The following BIN3 variants were observed in gnomAD, a reference collection of about 807,000 sequenced individuals.
The protein encoded by BIN3 is bridging integrator 3.
Under a neutral mutation model 38.2 loss-of-function variants are expected in BIN3, and 41 were observed. The ratio of observed to expected loss-of-function variants is 1.07; its 90% CI spans 0.84 to 1.39. The LOEUF is 1.39. BIN3 is among the 40% of genes most tolerant of loss of function. BIN3 has a pLI of 0.00. For synonymous variants in BIN3, 145 were observed against 122.6 expected (o/e 1.18, Z -1.21); for missense variants, 361 against 324.3 (o/e 1.11, Z -0.87).
chr8:22,669,089 A>C lies in BIN3; in HGVS notation c.-38T>G, dbSNP rs1468648115. 6.3e-7 allele frequency: 1 copy of C among 1,587,396 alleles called. No homozygotes were observed. The highest frequency in any genetic ancestry group is 1.8e-5 in the Admixed American group (1 of 56,294). ...GCGTCTGCCGCCGGGGTCCTCAGCC[A>C]CAACTCGTTTCTCTAGGGTCACTTC... On this transcript the variant is annotated 5_prime_UTR_variant, in exon 1 of 9. Transcript: ENST00000276416.
intron 1 of BIN3, among the ~76,000 whole-genome samples, chr8:22,645,106 A>G (rs1331199942): frequency 2.0e-5 from 3 of 151,446 alleles, no homozygotes; most frequent in African/African-American, 4.8e-5. Flanking sequence ...TTGAGGCTGT[A>G]GTGACCTATA....
rs770222198 is a variant in BIN3 at position 22,630,542 on chromosome 8, A to G, written c.197T>C (p.Leu66Ser). The G allele has an allele frequency of 1.1e-5, 18 of 1,613,886 alleles. No individual in the cohort carries two copies. The East Asian group carries it at 3.6e-4, about 32-fold the overall frequency. Residue 66 changes from leucine (L) to serine (S), a missense_variant, in exon 5 of 9, where the codon TTA becomes TCA. Leu to Ser is a moderately radical substitution (Grantham distance 145). Coordinates refer to ENST00000276416, the MANE Select transcript of BIN3 (RefSeq NM_018688.6). ...TTGCTCACAGAGGGGATTGGAGAGT[A>G]AGTCCAAGGATATCTTCACGGCAGA... Reference protein sequence around the residue: ...SKSAVKISLDLLSNPLCEQDQ... With the variant: ...SKSAVKISLDSLSNPLCEQDQ...
chr8:22,636,711 G>T lies in BIN3; in HGVS notation c.99-125C>A. ...GATCTTCTCCACGGGGACTTTTCCCGCTGACTGAAGTGCCACTACACCCAA... is the reference window on the plus strand; with the variant it reads ...GATCTTCTCCACGGGGACTTTTCCCTCTGACTGAAGTGCCACTACACCCAA... On this transcript the variant is annotated intron_variant, in intron 3 of 8. Transcript: ENST00000276416. 3 of 1,110,974 alleles carry T rather than the reference G, an allele frequency of 2.7e-6. 1 individual carries two copies. Among genetic ancestry groups the T allele is most frequent in the South Asian group, 1.4e-5 (1 of 72,562 alleles). 68.8% of individuals were successfully genotyped at this position (1,110,974 alleles called of 1,614,324 possible). A position where few individuals can be genotyped will look rare whatever the true frequency, so the allele number is the denominator to read the frequency against.
intron 2 of BIN3, among the ~76,000 whole-genome samples, chr8:22,641,306 C>T (rs1370433392): frequency 6.6e-6 from 1 of 152,202 alleles, no homozygotes; most frequent in African/African-American, 2.4e-5. Context: ...GTGGCCACCC[C>T]CTGCATTCAT....
At position 22,624,292 on chromosome 8, in the gene BIN3, C is replaced by T. The variant is rs1801940954; in HGVS notation, c.410G>A (p.Arg137Lys). ...ATACTTCTCCACCTTGGCCTGCAGC[C>T]TCCTGTAGTCCTGCAAGGCCTGTTC... is the stretch of plus-strand genomic sequence containing the variant. ...RREQALQDYRRLQAKVEKYEE... is the reference protein window; with the variant it reads ...RREQALQDYRKLQAKVEKYEE... Residue 137 changes from arginine (R) to lysine (K), a missense_variant, in exon 7 of 9, where the codon AGG becomes AAG. Transcript: ENST00000276416. The T allele has an allele frequency of 1.2e-6, 2 of 1,613,868 alleles. No individual in the cohort carries two copies. Among genetic ancestry groups the T allele is most frequent in the African/African-American group, 1.3e-5 (1 of 74,938 alleles).
At chr8:22,645,518 G>A (rs1802686813) in intron 1 of BIN3, among the ~76,000 whole-genome samples, 2 of 151,102 alleles carry the variant, frequency 1.3e-5, no homozygotes, top group South Asian at 4.2e-4. Context: ...AGGGAAGAAA[G>A]GGGAAGGGGA....
chr8:22,666,436 G>C (rs571332383), intron 1 of BIN3, among the ~76,000 whole-genome samples: 2 of 150,254 alleles, frequency 1.3e-5, no homozygotes, highest in African/African-American at 2.4e-5. Flanking sequence ...AAAAGAGAGC[G>C]AGAGAGAGAG....
chr8:22,623,114 G>A (rs1801888531), intron 8 of BIN3, among the ~76,000 whole-genome samples: 1 of 152,264 alleles, frequency 6.6e-6, no homozygotes, highest in Admixed American at 6.5e-5. Flanking sequence ...ACAGGGACCT[G>A]GCAGGGTGCC....
At chr8:22,621,779 G>A (rs983490179) in intron 8 of BIN3, among the ~76,000 whole-genome samples, 18 of 152,254 alleles carry the variant, frequency 1.2e-4, no homozygotes, top group African/African-American at 3.6e-4. Flanking sequence ...GTGGCTGGAG[G>A]TGGAGGCGCC....
intron 1 of BIN3, among the ~76,000 whole-genome samples, chr8:22,667,856 A>C (rs1460955673): frequency 6.6e-6 from 1 of 152,186 alleles, no homozygotes; most frequent in African/African-American, 2.4e-5. Flanking sequence ...TACTTTAGAG[A>C]AGTATCCCTG....
intron 6 of BIN3, chr8:22,629,725 T>G (rs1405754038): frequency 5.1e-5 from 28 of 548,940 alleles, no homozygotes; most frequent in African/African-American, 1.0e-4. Flanking sequence ...CTGGGTGGGG[T>G]GGGAAGGGGG....
chr8:22,624,217 G>C lies in BIN3; in HGVS notation c.480+5C>G, dbSNP rs374945964. The stretch of plus-strand genomic sequence containing the variant: ...TAGCCCCTGCCCACCTGTCTCCCCT[G>C]GTACCTGGTGGAGCTTGGCCAGCAC... On this transcript the variant is annotated splice_donor_5th_base_variant and intron_variant, in intron 7 of 8. Transcript: ENST00000276416. The C allele has an allele frequency of 1.9e-6, 3 of 1,612,640 alleles. No homozygotes were observed. In the African/African-American group the frequency reaches 4.0e-5, roughly 22 times the overall value.
At chr8:22,667,881 C>A (rs1223314371) in intron 1 of BIN3, among the ~76,000 whole-genome samples, 2 of 152,232 alleles carry the variant, frequency 1.3e-5, no homozygotes, top group Non-Finnish European at 2.9e-5. Context: ...TGACTGATAT[C>A]AGCTGCTTGC....
chr8:22,630,597 C>T lies in BIN3; in HGVS notation c.161-19G>A, dbSNP rs550917215. The T allele has an allele frequency of 1.1e-5, 18 of 1,613,396 alleles. No individual in the cohort carries two copies. The highest frequency in any genetic ancestry group is 8.9e-5 in the East Asian group (4 of 44,870). ...GACATGGCTGTGGGAAGCCAAAGCT[C>T]GGTGAACCTTCTATGAAGGGGCAGG... On this transcript the variant is annotated intron_variant, in intron 4 of 8. Transcript: ENST00000276416.
At chr8:22,649,485 G>T (rs991973906) in intron 1 of BIN3, among the ~76,000 whole-genome samples, 7 of 152,184 alleles carry the variant, frequency 4.6e-5, no homozygotes, top group Non-Finnish European at 1.0e-4. Flanking sequence ...GGGGTATAAG[G>T]GAGGAAAAGG....
intron 6 of BIN3, among the ~76,000 whole-genome samples, chr8:22,628,705 G>T (rs898355455): frequency 6.6e-6 from 1 of 152,192 alleles, no homozygotes; most frequent in Non-Finnish European, 1.5e-5. Context: ...CATTCTACCA[G>T]CCATGGGTGC....
intron 1 of BIN3, among the ~76,000 whole-genome samples, chr8:22,654,711 T>C (rs1428463174): frequency 3.3e-5 from 5 of 152,262 alleles, no homozygotes; most frequent in Non-Finnish European, 5.9e-5. Flanking sequence ...TATGGATTTA[T>C]ATTTTGTTTA....
intron 6 of BIN3, 46 bp downstream of exon 6, chr8:22,629,918 G>C (rs773317532): frequency 2.6e-6 from 4 of 1,547,106 alleles, no homozygotes; most frequent in Non-Finnish European, 3.5e-6. Flanking sequence ...CTGCTGACCT[G>C]CCTCTCCCAT....
At chr8:22,666,510 T>G (rs935246053) in intron 1 of BIN3, among the ~76,000 whole-genome samples, 6 of 152,126 alleles carry the variant, frequency 3.9e-5, no homozygotes, top group Admixed American at 1.3e-4. Flanking sequence ...AAATGCCTTC[T>G]TCCTAGTAGG....
Sources: allele counts gnomAD v4.1 joint callset (sites outside exome capture counted in the v4.1 genomes callset), GRCh38; gene constraint gnomAD v4.1.1; transcripts MANE v1.5; gene names NCBI Gene and HGNC (gene_info 2026-07-23, HGNC 2026-07-21).